IKZF1: variants seen among roughly 807,000 people sequenced by gnomAD.
IKZF1 encodes the protein DNA-binding protein Ikaros.
In IKZF1, 10 loss-of-function variants were observed where a neutral mutation model predicts 51.7. That is an observed-to-expected ratio of 0.19 (90% CI 0.12 to 0.33). The LOEUF (loss-of-function observed/expected upper bound fraction) is 0.33. Among genes scored for constraint, IKZF1 ranks in the 10% least tolerant of loss-of-function variants. The probability of loss-of-function intolerance (pLI) is 1.00; values close to 1 mark genes in which losing one functional copy is unlikely to be tolerated. For synonymous variants in IKZF1, 280 were observed against 282.3 expected (o/e 0.99, Z 0.08); for missense variants, 484 against 707.5 (o/e 0.68, Z 3.58).
At chr7:50,355,560 A>G (rs1803080918) in intron 3 of IKZF1, among the ~76,000 whole-genome samples, 1 of 151,960 alleles carries the variant, frequency 6.6e-6, no homozygotes, top group Admixed American at 6.6e-5. Context: ...CTCTTGTCCA[A>G]ATTTTACTGA....
chr7:50,376,684 G>T lies in IKZF1; in HGVS notation c.312G>T (p.Leu104Phe), dbSNP rs776248281. The T allele has an allele frequency of 2.9e-5, 46 of 1,613,878 alleles. No homozygotes were observed. The highest frequency in any genetic ancestry group is 3.8e-5 in the Non-Finnish European group (45 of 1,179,908). The change falls in exon 4 of 8, where the codon TTG becomes TTT. Residue 104 changes from leucine (L) to phenylalanine (F), a missense_variant. Leu to Phe is a conservative substitution (Grantham distance 22). This residue lies in a region of IKZF1 where 118 missense variants were observed against 138.4 expected (regional missense o/e 0.85). Coordinates refer to ENST00000331340, the MANE Select transcript of IKZF1 (RefSeq NM_006060.6). This position sits in a 1 kb window ranked among gnomAD's most constrained non-coding sequence, Gnocchi z 4.5. ...ACAGGGACCAAGGCAGCTCGGCTTTGTCGGGAGTTGGAGGCATTCGACTTC... is the reference window on the plus strand; with the variant it reads ...ACAGGGACCAAGGCAGCTCGGCTTTTTCGGGAGTTGGAGGCATTCGACTTC... ...GSHRDQGSSALSGVGGIRLPN... is the reference protein window; with the variant it reads ...GSHRDQGSSAFSGVGGIRLPN...
At chr7:50,322,224 C>T (rs1174023887) in intron 2 of IKZF1, among the ~76,000 whole-genome samples, 3 of 152,174 alleles carry the variant, frequency 2.0e-5, no homozygotes, top group African/African-American at 7.2e-5. Context: ...TAGGAGTTGA[C>T]ATTCTTGGTA....
intron 1 of IKZF1, among the ~76,000 whole-genome samples, chr7:50,306,833 T>A (rs781514496): frequency 6.6e-6 from 1 of 152,264 alleles, no homozygotes; most frequent in Non-Finnish European, 1.5e-5. Context: ...GTGTGTTTCA[T>A]GCGTGGTTAA....
Position 50,376,411 on chromosome 7 carries a change from T to A in IKZF1, c.161-122T>A, listed in dbSNP as rs2153467340. 1 of 1,482,692 alleles carries A rather than the reference T, an allele frequency of 6.7e-7. No individual in the cohort carries two copies. The highest frequency in any genetic ancestry group is 9.0e-7 in the Non-Finnish European group (1 of 1,108,068). 91.8% of individuals were successfully genotyped at this position (1,482,692 alleles called of 1,614,324 possible). On this transcript the variant is annotated intron_variant, in intron 3 of 7. Transcript: ENST00000331340. The surrounding 1 kb of genome is among the most constrained non-coding windows in gnomAD (Gnocchi z 4.5). ...CTCAGGCTGCTCTCCCCTTGGTATT[T>A]GCTAAGAACTTCTGTTTAGTAGCTC...
chr7:50,319,065 G>C lies in IKZF1; in HGVS notation c.4G>C (p.Asp2His). The C allele has an allele frequency of 3.1e-6, 5 of 1,613,090 alleles. No individual in the cohort carries two copies. Among genetic ancestry groups the C allele is most frequent in the Non-Finnish European group, 4.2e-6 (5 of 1,179,146 alleles). Reference sequence around the variant, plus strand: ...TTTCTCAGATAACCTGAGGACCATGGATGCTGATGAGGGTCAAGACATGTC... The same window carrying C: ...TTTCTCAGATAACCTGAGGACCATGCATGCTGATGAGGGTCAAGACATGTC... MDADEGQDMSQV... is the reference protein window; with the variant it reads MHADEGQDMSQV... The change falls in exon 2 of 8, where the codon GAT becomes CAT. Residue 2 changes from aspartate (D) to histidine (H), a missense_variant. Asp to His is a moderately conservative substitution (Grantham distance 81, BLOSUM62 -1). This residue lies in a region of IKZF1 where 118 missense variants were observed against 138.4 expected (regional missense o/e 0.85). Coordinates refer to ENST00000331340, the MANE Select transcript of IKZF1 (RefSeq NM_006060.6).
chr7:50,349,904 G>T (rs1490283861), intron 3 of IKZF1, among the ~76,000 whole-genome samples: 2 of 152,200 alleles, frequency 1.3e-5, no homozygotes, highest in African/African-American at 2.4e-5. Context: ...CAAAGTTTCA[G>T]TCAAGACTTT....
At chr7:50,394,779 A>G (rs1816218456) in intron 7 of IKZF1, among the ~76,000 whole-genome samples, 1 of 152,350 alleles carries the variant, frequency 6.6e-6, no homozygotes, top group East Asian at 1.9e-4. Flanking sequence ...GTGAGTGTGA[A>G]TAAGTATTTG....
Position 50,319,116 on chromosome 7 carries a change from G to A in IKZF1, c.40+15G>A. The A allele has an allele frequency of 6.2e-7, 1 of 1,612,420 alleles. No individual in the cohort carries two copies. Reference sequence around the variant, plus strand: ...CCAAGTTTCAGGTGAGACCTTATGAGATAGCTGTGTGGGAAGTTCATGAGA... The same window carrying A: ...CCAAGTTTCAGGTGAGACCTTATGAAATAGCTGTGTGGGAAGTTCATGAGA... On this transcript the variant is annotated intron_variant, in intron 2 of 7. Coordinates refer to ENST00000331340, the MANE Select transcript of IKZF1 (RefSeq NM_006060.6).
intron 7 of IKZF1, 104 bp from the exon 8 acceptor site, chr7:50,399,814 G>A: frequency 2.0e-6 from 3 of 1,484,474 alleles, no homozygotes; most frequent in African/African-American, 1.4e-5. Context: ...CCCCCAGGCC[G>A]TGTTCCCCTT....
intron 3 of IKZF1, among the ~76,000 whole-genome samples, chr7:50,353,919 G>A (rs1195273363): frequency 6.6e-6 from 1 of 152,170 alleles, no homozygotes; most frequent in African/African-American, 2.4e-5. Context: ...GACCCTTCAT[G>A]CCACACTGGG....
intron 3 of IKZF1, chr7:50,368,645 G>A (rs1807732575): frequency 3.1e-6 from 1 of 324,488 alleles, no homozygotes; most frequent in Non-Finnish European, 5.6e-6. Flanking sequence ...ACCAAAAACA[G>A]ATGTGAATTT....
At chr7:50,319,623 A>C (rs1334468587) in intron 2 of IKZF1, among the ~76,000 whole-genome samples, 1 of 152,170 alleles carries the variant, frequency 6.6e-6, no homozygotes, top group Admixed American at 6.5e-5. Context: ...TAGGTCACAG[A>C]CTGTGACCAT....
chr7:50,390,247 C>T lies in IKZF1; in HGVS notation c.716-1482C>T, dbSNP rs115559444. On this transcript the variant is annotated intron_variant, in intron 6 of 7. Transcript: ENST00000331340. The stretch of plus-strand genomic sequence containing the variant: ...CTGCGCCATGGTGCAGAGGAAGACC[C>T]CTGACCTCTGGGAGCCCTGGGCAGG... Among the ~76,000 whole-genome samples, 357 of 152,206 alleles carry T rather than the reference C, an allele frequency of 2.3e-3. 2 individuals are homozygous for T. The highest frequency in any genetic ancestry group is 8.2e-3 in the African/African-American group (342 of 41,522).
chr7:50,371,911 T>G (rs181717671), intron 3 of IKZF1, among the ~76,000 whole-genome samples: 1 of 152,342 alleles, frequency 6.6e-6, no homozygotes, highest in East Asian at 1.9e-4. Flanking sequence ...CATCTCTGAT[T>G]GAGCATACCT....
intron 3 of IKZF1, among the ~76,000 whole-genome samples, chr7:50,360,242 G>C (rs1804795098): frequency 6.6e-6 from 1 of 151,960 alleles, no homozygotes; most frequent in South Asian, 2.1e-4. Context: ...TGGGCTTCTG[G>C]AATCTTTGAG....
chr7:50,393,672 C>T (rs1815862305), intron 7 of IKZF1, among the ~76,000 whole-genome samples: 1 of 152,202 alleles, frequency 6.6e-6, no homozygotes. Flanking sequence ...GAGGCCTTGC[C>T]TTCCTGAACG....
At chr7:50,383,357 C>T (rs1487658809) in intron 5 of IKZF1, among the ~76,000 whole-genome samples, 2 of 152,212 alleles carry the variant, frequency 1.3e-5, no homozygotes, top group East Asian at 1.9e-4. Context: ...TAGGCATAAA[C>T]GCTCTATCAT....
At position 50,360,029 on chromosome 7, in the gene IKZF1, G is replaced by A. The variant is rs116978327; in HGVS notation, c.161-16504G>A. 5.3e-4 allele frequency among the ~76,000 whole-genome samples: 81 copies of A among 152,238 alleles called. No individual in the cohort carries two copies. In the East Asian group the frequency reaches 0.015, roughly 28 times the overall value. ...CCACTTAAAGACACAAAGTGTGCAG[G>A]ACTGTACCCATGGCCGAGAGCGGCG... On this transcript the variant is annotated intron_variant, in intron 3 of 7. Coordinates refer to ENST00000331340, the MANE Select transcript of IKZF1 (RefSeq NM_006060.6).
At chr7:50,326,805 C>A (rs1276184378) in intron 2 of IKZF1, among the ~76,000 whole-genome samples, 1 of 152,176 alleles carries the variant, frequency 6.6e-6, no homozygotes, top group African/African-American at 2.4e-5. Flanking sequence ...ATCATTTTCC[C>A]AGTAGGCATG....
Sources: gnomAD v4.1 joint callset for allele counts (sites outside exome capture counted in the v4.1 genomes callset) on GRCh38, gnomAD v4.1.1 for gene constraint, gnomAD v4.1.1 regional missense constraint, Gnocchi (gnomAD v3.1) non-coding constraint, MANE v1.5 for transcripts, NCBI Gene and HGNC (gene_info 2026-07-23, HGNC 2026-07-21) for gene names.